Variants in CSMD3 observed in about 807,000 individuals in gnomAD.
CSMD3 encodes the protein CUB and sushi domain-containing protein 3.
A neutral mutation model predicts 435.2 loss-of-function variants in CSMD3; 177 were observed. That is an observed-to-expected ratio of 0.41 (90% CI 0.36 to 0.46). CSMD3 has a LOEUF of 0.46. Ranked by LOEUF, CSMD3 falls within the 20% of genes least tolerant of loss-of-function variation. The pLI is 0.34. For synonymous variants in CSMD3, 1,656 were observed against 1,520.5 expected (o/e 1.09, Z -2.07); for missense variants, 4,265 against 4,504.6 (o/e 0.95, Z 1.52).
intron 9 of CSMD3, among the ~76,000 whole-genome samples, chr8:112,935,339 G>C (rs935342436): frequency 6.6e-6 from 1 of 152,042 alleles, no homozygotes; most frequent in Non-Finnish European, 1.5e-5. Context: ...GATAGTTCCA[G>C]ATTTGTTCTT....
At chr8:113,241,996 A>G (rs1185276868) in intron 3 of CSMD3, among the ~76,000 whole-genome samples, 1 of 150,880 alleles carries the variant, frequency 6.6e-6, no homozygotes, top group East Asian at 1.9e-4. Context: ...ATATCTATAT[A>G]CATATATACA....
At chr8:112,911,672 T>C (rs562932368) in intron 10 of CSMD3, among the ~76,000 whole-genome samples, 1 of 143,716 alleles carries the variant, frequency 7.0e-6, no homozygotes, top group Non-Finnish European at 1.5e-5. Flanking sequence ...TGTGTGTATT[T>C]ATGTGTAATG....
intron 59 of CSMD3, among the ~76,000 whole-genome samples, chr8:112,278,960 G>A (rs371309011): frequency 4.0e-5 from 6 of 151,856 alleles, no homozygotes; most frequent in Non-Finnish European, 7.4e-5. Context: ...TAAGGACAGA[G>A]TAGAGAAGAT....
intron 3 of CSMD3, among the ~76,000 whole-genome samples, chr8:113,179,176 T>C (rs2092389046): frequency 6.6e-6 from 1 of 151,898 alleles, no homozygotes; most frequent in South Asian, 2.1e-4. Context: ...AATATGAGAA[T>C]ACCAATTTTA....
intron 5 of CSMD3, among the ~76,000 whole-genome samples, chr8:113,042,270 TA>T (rs969535495): frequency 4.6e-5 from 7 of 152,100 alleles, no homozygotes; most frequent in African/African-American, 1.4e-4. Flanking sequence ...TTAGAAACAG[TA>T]AAAAAACTAG....
At chr8:113,170,059 A>G (rs2092239128) in intron 4 of CSMD3, among the ~76,000 whole-genome samples, 1 of 152,132 alleles carries the variant, frequency 6.6e-6, no homozygotes, top group Non-Finnish European at 1.5e-5. Context: ...GGAAGCATCA[A>G]AAGAACTCTC....
chr8:112,618,636 G>C (rs17744837), intron 22 of CSMD3, among the ~76,000 whole-genome samples: 1 of 150,954 alleles, frequency 6.6e-6, no homozygotes. Flanking sequence ...CCATCATGGA[G>C]TATAGACACA....
intron 1 of CSMD3, among the ~76,000 whole-genome samples, chr8:113,395,103 AT>A (rs2094477272): frequency 6.6e-6 from 1 of 152,128 alleles, no homozygotes; most frequent in African/African-American, 2.4e-5. Flanking sequence ...TCCAGAAATC[AT>A]TATGGCTTAT....
At chr8:112,721,510 A>T (rs758353001) in intron 13 of CSMD3, among the ~76,000 whole-genome samples, 1 of 152,112 alleles carries the variant, frequency 6.6e-6, no homozygotes, top group Non-Finnish European at 1.5e-5. Flanking sequence ...CGGAAGGCGG[A>T]GTTTGCAGTG....
chr8:113,033,262 T>C (rs1484483723), intron 5 of CSMD3, among the ~76,000 whole-genome samples: 1 of 151,534 alleles, frequency 6.6e-6, no homozygotes, highest in Non-Finnish European at 1.5e-5. Flanking sequence ...ACCATGTGCC[T>C]GGAAAAGCCA....
chr8:113,080,507 G>GA (rs1272027969), intron 5 of CSMD3, among the ~76,000 whole-genome samples: 2 of 152,102 alleles, frequency 1.3e-5, no homozygotes, highest in East Asian at 3.8e-4. Context: ...CTATCTAACA[G>GA]AGGAGATAGA....
At chr8:112,881,914 A>G (rs2081459487) in intron 10 of CSMD3, among the ~76,000 whole-genome samples, 1 of 151,960 alleles carries the variant, frequency 6.6e-6, no homozygotes, top group Admixed American at 6.6e-5. Context: ...ATATTTTTAA[A>G]AAATATTATT....
intron 11 of CSMD3, among the ~76,000 whole-genome samples, chr8:112,834,216 C>A (rs138020506): frequency 6.6e-6 from 1 of 151,964 alleles, no homozygotes; most frequent in East Asian, 1.9e-4. Flanking sequence ...AAGCACTTAA[C>A]CACTGAGCTT....
At chr8:112,680,979 A>G (rs949804784) in intron 16 of CSMD3, among the ~76,000 whole-genome samples, 12 of 151,944 alleles carry the variant, frequency 7.9e-5, no homozygotes, top group African/African-American at 2.7e-4. Flanking sequence ...TAAAGGTGTT[A>G]GACAGTTATA....
At chr8:112,727,318 T>C (rs569603912) in intron 13 of CSMD3, among the ~76,000 whole-genome samples, 35 of 151,954 alleles carry the variant, frequency 2.3e-4, no homozygotes, top group African/African-American at 8.2e-4. Context: ...TAATTGGTTG[T>C]AGTGCTATAG....
At chr8:112,411,519 T>C (rs1222784188) in intron 32 of CSMD3, among the ~76,000 whole-genome samples, 1 of 152,000 alleles carries the variant, frequency 6.6e-6, no homozygotes, top group East Asian at 1.9e-4. Context: ...TGAGAGGATA[T>C]GGAATCACTA....
At chr8:112,291,874 A>G (rs1013937460) in intron 55 of CSMD3, among the ~76,000 whole-genome samples, 179 bp from the exon 56 acceptor site, 1 of 152,108 alleles carries the variant, frequency 6.6e-6, no homozygotes, top group Non-Finnish European at 1.5e-5. Flanking sequence ...TATGTGGTAG[A>G]AAATACAGAA....
intron 1 of CSMD3, among the ~76,000 whole-genome samples, chr8:113,408,264 T>C (rs1057506522): frequency 7.9e-5 from 12 of 152,186 alleles, no homozygotes; most frequent in Non-Finnish European, 8.8e-5. Flanking sequence ...ATGTTCACTA[T>C]TGTTATAATG....
At chr8:112,336,079 A>AT (rs1393788952) in intron 44 of CSMD3, among the ~76,000 whole-genome samples, 2 of 151,714 alleles carry the variant, frequency 1.3e-5, no homozygotes, top group East Asian at 3.9e-4. Context: ...TGTCTGGCTA[A>AT]TTTTTTATTT....
Sources: gnomAD v4.1 joint callset for allele counts (sites outside exome capture counted in the v4.1 genomes callset) on GRCh38, gnomAD v4.1.1 for gene constraint, MANE v1.5 for transcripts, NCBI Gene and HGNC (gene_info 2026-07-23, HGNC 2026-07-21) for gene names.